WIPF2: variants seen among roughly 807,000 people sequenced by gnomAD.
WIPF2 encodes the protein WAS/WASL interacting protein family member 2.
WIPF2 carries 23 observed loss-of-function variants against 38.8 expected under a neutral mutation model. That is an observed-to-expected ratio of 0.59 (90% CI 0.43 to 0.84). The LOEUF is 0.84. Ranked by LOEUF, WIPF2 falls within the 40% of genes least tolerant of loss-of-function variation. WIPF2 has a pLI of 0.00. For missense variants in WIPF2, 574 were observed against 580.5 expected (o/e 0.99, Z 0.11); for synonymous variants, 210 against 223.2 (o/e 0.94, Z 0.53).
At chr17:40,249,398 G>A (rs536092382) in intron 1 of WIPF2, among the ~76,000 whole-genome samples, 1 of 152,092 alleles carries the variant, frequency 6.6e-6, no homozygotes, top group South Asian at 2.1e-4. Flanking sequence ...GAAACATTAG[G>A]AAATTGAATA....
intron 2 of WIPF2, among the ~76,000 whole-genome samples, chr17:40,257,650 G>A (rs1184454812): frequency 6.6e-6 from 1 of 151,408 alleles, no homozygotes; most frequent in Non-Finnish European, 1.5e-5. Flanking sequence ...GGAGGCTGAA[G>A]CGGGAGAATT....
chr17:40,264,049 T>C (rs2031997326), intron 4 of WIPF2, among the ~76,000 whole-genome samples: 1 of 151,912 alleles, frequency 6.6e-6, no homozygotes, highest in Non-Finnish European at 1.5e-5. Flanking sequence ...AACCCAGAAC[T>C]AGGCCGGACG....
chr17:40,243,844 T>A (rs1049145065), intron 1 of WIPF2, among the ~76,000 whole-genome samples: 2 of 152,134 alleles, frequency 1.3e-5, no homozygotes, highest in African/African-American at 4.8e-5. Context: ...TTAATATTCA[T>A]GATGGTTATG....
At chr17:40,257,706 G>A (rs999628758) in intron 2 of WIPF2, among the ~76,000 whole-genome samples, 3 of 140,480 alleles carry the variant, frequency 2.1e-5, no homozygotes, top group African/African-American at 5.5e-5. Flanking sequence ...AGATCATGCC[G>A]CACTCCAGCC....
At chr17:40,272,946 G>A (rs1053325184) in intron 5 of WIPF2, among the ~76,000 whole-genome samples, 1 of 152,192 alleles carries the variant, frequency 6.6e-6, no homozygotes, top group African/African-American at 2.4e-5. Flanking sequence ...ACCTAGCCTA[G>A]CAATAAGAAG....
At chr17:40,260,327 C>T (rs2031856207) in intron 2 of WIPF2, among the ~76,000 whole-genome samples, 1 of 151,226 alleles carries the variant, frequency 6.6e-6, no homozygotes, top group South Asian at 2.1e-4. Flanking sequence ...AGCTGGGATA[C>T]AGCATGTGCC....
rs1359962845 is a variant in WIPF2 at position 40,283,620 on chromosome 17, T to G, written c.*5395T>G. 1 of 152,236 alleles carries G rather than the reference T, an allele frequency of 6.6e-6. No individual in the cohort carries two copies. The highest frequency in any genetic ancestry group is 2.4e-5 in the African/African-American group (1 of 41,462). 9.4% of individuals were successfully genotyped at this position (152,236 alleles called of 1,614,324 possible). A position where few individuals can be genotyped will look rare whatever the true frequency, so the allele number is the denominator to read the frequency against. On this transcript the variant is annotated 3_prime_UTR_variant, in exon 8 of 8. Transcript: ENST00000323571. ...GGGAACCTAGGAGGCTTCCTGGCCTTGTGACCTTTTCCTTGAATCTCTTAT... is the reference window on the plus strand; with the variant it reads ...GGGAACCTAGGAGGCTTCCTGGCCTGGTGACCTTTTCCTTGAATCTCTTAT...
intron 1 of WIPF2, among the ~76,000 whole-genome samples, chr17:40,251,088 T>C (rs1325769891): frequency 6.6e-6 from 1 of 151,904 alleles, no homozygotes; most frequent in Non-Finnish European, 1.5e-5. Context: ...TAATTTTTTA[T>C]GTTTCTTAGT....
At chr17:40,230,670 GTTTACC>G (rs1377094943) in intron 1 of WIPF2, among the ~76,000 whole-genome samples, 1 of 152,112 alleles carries the variant, frequency 6.6e-6, no homozygotes, top group Non-Finnish European at 1.5e-5. Context: ...GGGATTGTTA[GTTTACC>G]AGACTTGCTA....
chr17:40,270,481 C>T (rs1385650168), intron 5 of WIPF2, among the ~76,000 whole-genome samples: 1 of 152,070 alleles, frequency 6.6e-6, no homozygotes, highest in Non-Finnish European at 1.5e-5. Flanking sequence ...AAACAGATCA[C>T]TCTTACCCTG....
chr17:40,240,123 G>A (rs951045754), intron 1 of WIPF2, among the ~76,000 whole-genome samples: 1 of 151,552 alleles, frequency 6.6e-6, no homozygotes, highest in African/African-American at 2.4e-5. Context: ...GTGCAGTGGT[G>A]CAATCTCAGC....
intron 5 of WIPF2, among the ~76,000 whole-genome samples, chr17:40,266,126 G>C (rs1436987972): frequency 2.0e-5 from 3 of 151,468 alleles, no homozygotes; most frequent in Non-Finnish European, 4.4e-5. Context: ...GATAAGAAGA[G>C]GCCTAGGAGG....
chr17:40,273,536 A>C, intron 5 of WIPF2: 1 of 468,250 alleles, frequency 2.1e-6, no homozygotes, highest in Non-Finnish European at 3.8e-6. Flanking sequence ...GGAGGAAGGC[A>C]TGGAAAAGCA....
chr17:40,231,702 C>T (rs1253071860), intron 1 of WIPF2, among the ~76,000 whole-genome samples: 1 of 152,028 alleles, frequency 6.6e-6, no homozygotes, highest in African/African-American at 2.4e-5. Flanking sequence ...GGATTACAGG[C>T]GTGAGCCACC....
chr17:40,250,229 T>G (rs1007827944), intron 1 of WIPF2, among the ~76,000 whole-genome samples: 9 of 112,232 alleles, frequency 8.0e-5, no homozygotes, highest in Non-Finnish European at 1.5e-4. Context: ...GTTTTTTTTT[T>G]TTTTTTTTTT....
At chr17:40,268,161 AG>A (rs918091797) in intron 5 of WIPF2, among the ~76,000 whole-genome samples, 28 of 152,156 alleles carry the variant, frequency 1.8e-4, no homozygotes, top group African/African-American at 6.8e-4. Flanking sequence ...AAAAGGGTAA[AG>A]GTTATATCAT....
chr17:40,241,640 G>C (rs1433548075), intron 1 of WIPF2, among the ~76,000 whole-genome samples: 2 of 152,114 alleles, frequency 1.3e-5, no homozygotes, highest in Non-Finnish European at 2.9e-5. Flanking sequence ...AATTTACTAA[G>C]TCCAGGAATC....
chr17:40,283,192 A>AAAAAAAAT lies in WIPF2; in HGVS notation c.*4967_*4968insAAAAAAAT, dbSNP rs2032589812. ...AAAAAAAAAAAAAAAAAAAAAAAAAATTCTAGAGTTCTAGTTACCCTTCCT... is the reference window on the plus strand; with the variant it reads ...AAAAAAAAAAAAAAAAAAAAAAAAAAAAAAAAATTTCTAGAGTTCTAGTTACCCTTCCT... On this transcript the variant is annotated 3_prime_UTR_variant, in exon 8 of 8. Coordinates refer to ENST00000323571, the MANE Select transcript of WIPF2 (RefSeq NM_133264.5). The AAAAAAAAT allele has an allele frequency of 7.1e-6, 1 of 140,990 alleles. No individual in the cohort carries two copies. The highest frequency in any genetic ancestry group is 1.5e-5 in the Non-Finnish European group (1 of 65,892). The allele number at this position is 140,990 out of a possible 1,614,324, so 8.7% of individuals were successfully genotyped here.
intron 1 of WIPF2, among the ~76,000 whole-genome samples, chr17:40,256,093 CT>C (rs1448656813): frequency 1.1e-5 from 1 of 93,832 alleles, no homozygotes. Context: ...GTCCCAGGGT[CT>C]TTAAAAAAAA....
Sources: allele counts gnomAD v4.1 joint callset (sites outside exome capture counted in the v4.1 genomes callset), GRCh38; gene constraint gnomAD v4.1.1; transcripts MANE v1.5; gene names NCBI Gene and HGNC (gene_info 2026-07-23, HGNC 2026-07-21).